Variants in SEMA6D observed in about 807,000 individuals in gnomAD.
The protein encoded by SEMA6D is semaphorin 6D.
In SEMA6D, 35 loss-of-function variants were observed where a neutral mutation model predicts 106.6. The ratio of observed to expected loss-of-function variants is 0.33; its 90% CI spans 0.25 to 0.44. SEMA6D has a LOEUF of 0.44. Among genes scored for constraint, SEMA6D ranks in the 20% least tolerant of loss-of-function variants. SEMA6D has a pLI of 1.00. For missense variants in SEMA6D, 1,185 were observed against 1,345.9 expected, an observed-to-expected ratio of 0.88 and a Z score of 1.87; for synonymous variants, 499 against 487.7, an observed-to-expected ratio of 1.02 and a Z score of -0.31.
intron 1 of SEMA6D, among the ~76,000 whole-genome samples, chr15:47,355,180 G>A (rs1018015320): frequency 6.6e-6 from 1 of 152,010 alleles, no homozygotes; most frequent in African/African-American, 2.4e-5. Context: ...ACAGAAGTTG[G>A]GGCAGAAGGA....
At chr15:47,240,568 C>T (rs148521630) in intron 1 of SEMA6D, among the ~76,000 whole-genome samples, 8 of 152,048 alleles carry the variant, frequency 5.3e-5, no homozygotes, top group Non-Finnish European at 1.0e-4. Flanking sequence ...TTTTGTACAT[C>T]GTGCATTGGG....
At chr15:47,682,118 C>G (rs1299184248) in intron 4 of SEMA6D, among the ~76,000 whole-genome samples, 1 of 151,418 alleles carries the variant, frequency 6.6e-6, no homozygotes, top group Non-Finnish European at 1.5e-5. Context: ...CTTTTCTCAA[C>G]GAGTTACTAT....
intron 1 of SEMA6D, among the ~76,000 whole-genome samples, chr15:47,207,993 G>GCGCGCGCGCACA (rs1424944556): frequency 2.2e-5 from 2 of 89,398 alleles, no homozygotes; most frequent in African/African-American, 8.2e-5. Flanking sequence ...TGGCGCGCGC[G>GCGCGCGCGCACA]CACACACACA....
intron 1 of SEMA6D, among the ~76,000 whole-genome samples, chr15:47,264,810 A>C (rs1384676540): frequency 1.3e-5 from 2 of 152,024 alleles, no homozygotes; most frequent in African/African-American, 2.4e-5. Flanking sequence ...TTTTTGAAAA[A>C]GTATGTCATG....
intron 1 of SEMA6D, among the ~76,000 whole-genome samples, chr15:47,258,885 T>G (rs547888808): frequency 6.6e-6 from 1 of 152,182 alleles, no homozygotes; most frequent in Non-Finnish European, 1.5e-5. Flanking sequence ...TCTGCTTGTT[T>G]CCTTTCATTC....
At chr15:47,238,465 G>C (rs1387610197) in intron 1 of SEMA6D, among the ~76,000 whole-genome samples, 4 of 152,028 alleles carry the variant, frequency 2.6e-5, no homozygotes, top group Non-Finnish European at 5.9e-5. Flanking sequence ...CTTAAACTTA[G>C]ATACAAAGCC....
At chr15:47,467,200 A>G (rs16959543) in intron 2 of SEMA6D, among the ~76,000 whole-genome samples, 3,125 of 152,204 alleles carry the variant, frequency 0.021, 116 homozygotes, top group African/African-American at 0.072. Flanking sequence ...ATCCATATCA[A>G]TGTAAAAGGC....
intron 4 of SEMA6D, among the ~76,000 whole-genome samples, chr15:47,684,016 A>G (rs541502069): frequency 6.6e-6 from 1 of 152,290 alleles, no homozygotes; most frequent in East Asian, 1.9e-4. Context: ...GTATCAATTG[A>G]TATGGAGTCA....
chr15:47,573,256 A>G (rs535698298), intron 3 of SEMA6D, among the ~76,000 whole-genome samples: 2 of 152,324 alleles, frequency 1.3e-5, no homozygotes, highest in South Asian at 4.1e-4. Context: ...AAACAAAATA[A>G]TACTCAAGAT....
intron 1 of SEMA6D, among the ~76,000 whole-genome samples, chr15:47,289,978 A>G (rs914128903): frequency 6.6e-6 from 1 of 152,144 alleles, no homozygotes; most frequent in African/African-American, 2.4e-5. Flanking sequence ...GGGTGAATGT[A>G]AAAAAGAAGA....
intron 4 of SEMA6D, chr15:47,603,382 C>T (rs2076704642): frequency 6.6e-6 from 1 of 152,142 alleles, no homozygotes; most frequent in Admixed American, 6.6e-5. Context: ...TAGGAACTTC[C>T]AATCCTGCTT....
chr15:47,450,820 C>T (rs968578251), intron 2 of SEMA6D, among the ~76,000 whole-genome samples: 1 of 151,962 alleles, frequency 6.6e-6, no homozygotes, highest in Non-Finnish European at 1.5e-5. Context: ...TGGCATTCAG[C>T]CATTGTTACT....
At chr15:47,577,305 C>T (rs1418458982) in intron 3 of SEMA6D, among the ~76,000 whole-genome samples, 1 of 152,194 alleles carries the variant, frequency 6.6e-6, no homozygotes, top group African/African-American at 2.4e-5. Context: ...TCTTTGCTTC[C>T]CTCATCCTTG....
chr15:47,608,204 G>A (rs751029664), intron 4 of SEMA6D, among the ~76,000 whole-genome samples: 1 of 152,120 alleles, frequency 6.6e-6, no homozygotes, highest in Non-Finnish European at 1.5e-5. Context: ...TACTTACTTA[G>A]ATGATTTAAA....
chr15:47,191,012 A>G (rs1381581384), intron 1 of SEMA6D, among the ~76,000 whole-genome samples: 2 of 152,026 alleles, frequency 1.3e-5, no homozygotes. Flanking sequence ...TCTATAAATG[A>G]TAATAGTAAT....
intron 1 of SEMA6D, among the ~76,000 whole-genome samples, chr15:47,403,414 G>A (rs556222363): frequency 9.2e-5 from 14 of 152,226 alleles, no homozygotes; most frequent in African/African-American, 3.4e-4. Flanking sequence ...TATGAACAGG[G>A]TATCATCTCA....
intron 1 of SEMA6D, among the ~76,000 whole-genome samples, chr15:47,348,727 C>CACCACACACAGAGAGAGAGAG (rs1450109233): frequency 3.5e-5 from 2 of 57,052 alleles, no homozygotes; most frequent in Admixed American, 2.4e-4. Context: ...ACCACACACA[C>CACCACACACAGAGAGAGAGAG]AGAGAGAGAG....
At chr15:47,367,674 TCACACGCGCGCGCGCGCGCACACACACA>T (rs1201172576) in intron 1 of SEMA6D, among the ~76,000 whole-genome samples, 1 of 141,384 alleles carries the variant, frequency 7.1e-6, no homozygotes, top group African/African-American at 2.7e-5. Context: ...ACACGCACGC[TCACACGCGCGCGCGCGCGCACACACACA>T]CACACACACA....
At chr15:47,276,899 A>C (rs1225590498) in intron 1 of SEMA6D, among the ~76,000 whole-genome samples, 1 of 152,182 alleles carries the variant, frequency 6.6e-6, no homozygotes, top group African/African-American at 2.4e-5. Context: ...AAATGGCATA[A>C]AGAGCATTCA....
Sources: allele counts gnomAD v4.1 joint callset (sites outside exome capture counted in the v4.1 genomes callset), GRCh38; gene constraint gnomAD v4.1.1; transcripts MANE v1.5; gene names NCBI Gene and HGNC (gene_info 2026-07-23, HGNC 2026-07-21).